The following OLFM1 variants were observed in gnomAD, a reference collection of about 807,000 sequenced individuals.
OLFM1 encodes the protein olfactomedin 1.
Under a neutral mutation model 49.7 loss-of-function variants are expected in OLFM1, and 9 were observed. That is an observed-to-expected ratio of 0.18 (90% CI 0.11 to 0.32). The LOEUF is 0.32. Ranked by LOEUF, OLFM1 falls within the 10% of genes least tolerant of loss-of-function variation. OLFM1 has a pLI of 1.00. For synonymous variants in OLFM1, 240 were observed against 271.8 expected (o/e 0.88, Z 1.15); for missense variants, 369 against 661.8 (o/e 0.56, Z 4.85).
At chr9:135,110,868 T>C (rs1571332) in intron 5 of OLFM1, among the ~76,000 whole-genome samples, 35,741 of 152,178 alleles carry the variant, frequency 0.23, 6,009 homozygotes, top group African/African-American at 0.48. Flanking sequence ...GACAGATGCT[T>C]GCCAAACCAA....
chr9:135,111,137 A>C (rs1831016668), intron 5 of OLFM1, among the ~76,000 whole-genome samples: 1 of 152,236 alleles, frequency 6.6e-6, no homozygotes, highest in Non-Finnish European at 1.5e-5. Context: ...TCAGACAGCC[A>C]GTTTTTCTTA....
At chr9:135,100,910 A>C (rs371721431) in intron 4 of OLFM1, among the ~76,000 whole-genome samples, 1 of 134,444 alleles carries the variant, frequency 7.4e-6, no homozygotes, top group Non-Finnish European at 1.7e-5. Context: ...AGGTAGTTAG[A>C]TAGATAAATG....
At chr9:135,102,936 T>C (rs1180310346) in intron 4 of OLFM1, among the ~76,000 whole-genome samples, 1 of 152,180 alleles carries the variant, frequency 6.6e-6, no homozygotes, top group Non-Finnish European at 1.5e-5. Flanking sequence ...AGATCGTCCA[T>C]GCTGCTGCGT....
rs549681504 is a variant in OLFM1 at position 135,113,367 on chromosome 9, A to G, written c.784-6137A>G. On this transcript the variant is annotated intron_variant, in intron 5 of 5. Coordinates refer to ENST00000371793, the MANE Select transcript of OLFM1 (RefSeq NM_001282611.2). The surrounding 1 kb of genome is among the most constrained non-coding windows in gnomAD (Gnocchi z 4.0). Reference sequence around the variant, plus strand: ...GTGCCTGGGCCTGATGAGCTCCAGCAGGCTCTGAGGGCCGTGTCTAGCCTA... The same window carrying G: ...GTGCCTGGGCCTGATGAGCTCCAGCGGGCTCTGAGGGCCGTGTCTAGCCTA... Among the ~76,000 whole-genome samples, 1 of 152,224 alleles carries G rather than the reference A, an allele frequency of 6.6e-6. No homozygotes were observed. The highest frequency in any genetic ancestry group is 2.4e-5 in the African/African-American group (1 of 41,538).
Position 135,076,341 on chromosome 9 carries a change from G to C in OLFM1, c.96+539G>C, listed in dbSNP as rs1487873458. 2.6e-6 allele frequency: 4 copies of C among 1,548,014 alleles called. No homozygotes were observed. The Admixed American group carries it at 5.9e-5, about 23-fold the overall frequency. ...AGCGTGCCGGCCAGCTGTGTGCATT[G>C]CTGGCTTAATATGCAGGGCTTGGGG... On this transcript the variant is annotated intron_variant, in intron 1 of 5. Transcript: ENST00000252854.
intron 1 of OLFM1, among the ~76,000 whole-genome samples, chr9:135,078,463 T>A (rs1830494900): frequency 6.6e-6 from 1 of 152,220 alleles, no homozygotes; most frequent in Non-Finnish European, 1.5e-5. Flanking sequence ...TCCCGACAGC[T>A]TACTTACGAT....
At position 135,111,020 on chromosome 9, in the gene OLFM1, G is replaced by A. The variant is rs139425277; in HGVS notation, c.783+4165G>A. On this transcript the variant is annotated intron_variant, in intron 5 of 5. Coordinates refer to ENST00000371793, the MANE Select transcript of OLFM1 (RefSeq NM_001282611.2). ...CCATCGTCCAGCTCTACCCTGAACC[G>A]AGAGGCCCTCTTCACTGGGAAGCTG... Among the ~76,000 whole-genome samples the A allele has an allele frequency of 1.1e-3, 168 of 152,318 alleles. 1 individual carries two copies. The East Asian group carries it at 0.021, about 19-fold the overall frequency.
intron 5 of OLFM1, among the ~76,000 whole-genome samples, chr9:135,107,253 C>A (rs1390102641): frequency 6.6e-6 from 1 of 152,226 alleles, no homozygotes; most frequent in Non-Finnish European, 1.5e-5. Flanking sequence ...GAAGAGAATT[C>A]ATTAGGCCTT....
At chr9:135,093,934 A>T (rs1261493530) in intron 2 of OLFM1, among the ~76,000 whole-genome samples, 1 of 152,216 alleles carries the variant, frequency 6.6e-6, no homozygotes, top group Non-Finnish European at 1.5e-5. Flanking sequence ...TATCTTTAAA[A>T]TTTGTTTTTT....
chr9:135,108,646 C>CA (rs1315899720), intron 5 of OLFM1, among the ~76,000 whole-genome samples: 5 of 149,872 alleles, frequency 3.3e-5, no homozygotes, highest in East Asian at 2.0e-4. Context: ...AAAAAAAAAA[C>CA]AAAAAAAACA....
At chr9:135,096,869 T>C (rs1280567344) in intron 3 of OLFM1, among the ~76,000 whole-genome samples, 1 of 152,218 alleles carries the variant, frequency 6.6e-6, no homozygotes, top group Admixed American at 6.5e-5. Flanking sequence ...GTTCTGCTTC[T>C]CCGGGTAACT....
At chr9:135,091,468 GTCACACACAT>G (rs1830684979) in intron 2 of OLFM1, among the ~76,000 whole-genome samples, 1 of 143,156 alleles carries the variant, frequency 7.0e-6, no homozygotes. Context: ...CTCACACACA[GTCACACACAT>G]TCACACATAG....
intron 1 of OLFM1, chr9:135,075,862 C>T (rs1383903082): frequency 2.7e-6 from 4 of 1,505,356 alleles, no homozygotes; most frequent in Middle Eastern, 1.7e-4. Flanking sequence ...CCCTCGGGAG[C>T]CCCACAAAGT....
chr9:135,077,088 A>G lies in OLFM1; in HGVS notation c.96+1286A>G, dbSNP rs1368449432. 5 of 1,550,324 alleles carry G rather than the reference A, an allele frequency of 3.2e-6. No homozygotes were observed. In the African/African-American group the frequency reaches 6.9e-5, roughly 21 times the overall value. On this transcript the variant is annotated intron_variant, in intron 1 of 5. Transcript: ENST00000252854. ...CTCTAGGAGAGGTTTTCTTGGCCCC[A>G]GGAAGGCCTGGTGGAGGGTGGTGGT...
chr9:135,095,018 A>C (rs1314882001), intron 2 of OLFM1: 1 of 152,200 alleles, frequency 6.6e-6, no homozygotes, highest in Non-Finnish European at 1.5e-5. Flanking sequence ...TTTGCACAGA[A>C]GCACACACCA....
Position 135,088,929 on chromosome 9 carries a change from T to C in OLFM1, c.150+790T>C, listed in dbSNP as rs916713389. Among the ~76,000 whole-genome samples, 1 of 152,162 alleles carries C rather than the reference T, an allele frequency of 6.6e-6. No individual in the cohort carries two copies. Among genetic ancestry groups the C allele is most frequent in the South Asian group, 2.1e-4 (1 of 4,830 alleles). On this transcript the variant is annotated intron_variant, in intron 1 of 5. Transcript: ENST00000371793. The surrounding 1 kb of genome is among the most constrained non-coding windows in gnomAD (Gnocchi z 4.8). ...GGGCTGCTTCTGGGCAGAGCTGACTTAGATGGCTGAGCGAGGCTGAGCTGA... is the reference window on the plus strand; with the variant it reads ...GGGCTGCTTCTGGGCAGAGCTGACTCAGATGGCTGAGCGAGGCTGAGCTGA...
upstream of OLFM1, among the ~76,000 whole-genome samples, chr9:135,084,865 T>C (rs1040782675): frequency 6.6e-6 from 1 of 152,106 alleles, no homozygotes; most frequent in Non-Finnish European, 1.5e-5. The surrounding 1 kb of genome is among the most constrained non-coding windows in gnomAD (Gnocchi z 4.6). Context: ...TGGGTGTCAG[T>C]GGTCGTCTGA....
At chr9:135,085,122 G>A (rs1433500623), upstream of OLFM1, among the ~76,000 whole-genome samples, 1 of 152,194 alleles carries the variant, frequency 6.6e-6, no homozygotes, top group East Asian at 1.9e-4. Context: ...GCCTGTAGGG[G>A]GCTGGCATGA....
Position 135,098,594 on chromosome 9 carries a change from G to A in OLFM1, c.676+89G>A. The A allele has an allele frequency of 8.2e-7, 1 of 1,223,258 alleles. No individual in the cohort carries two copies. Among genetic ancestry groups the A allele is most frequent in the Non-Finnish European group, 1.2e-6 (1 of 851,080 alleles). The allele number at this position is 1,223,258 out of a possible 1,614,324, so 75.8% of individuals were successfully genotyped here. ...AGGGAGTGGTGCTGAAGTGGACAGC[G>A]CCCGCCTGGCTTCGCGAGGTGATGG... On this transcript the variant is annotated intron_variant, in intron 4 of 5. Transcript: ENST00000371793. The surrounding 1 kb of genome is among the most constrained non-coding windows in gnomAD (Gnocchi z 5.6).
Sources: gnomAD v4.1 joint callset for allele counts (sites outside exome capture counted in the v4.1 genomes callset) on GRCh38, gnomAD v4.1.1 for gene constraint, Gnocchi (gnomAD v3.1) non-coding constraint, MANE v1.5 for transcripts, NCBI Gene and HGNC (gene_info 2026-07-23, HGNC 2026-07-21) for gene names.